Variants in CCR6 observed in about 807,000 individuals in gnomAD.
CCR6 encodes the protein C-C motif chemokine receptor 6.
A neutral mutation model predicts 3.0 loss-of-function variants in CCR6; 2 were observed. That is an observed-to-expected ratio of 0.66 (90% CI 0.27 to 2.07). The LOEUF is 2.07. CCR6 is among the 30% of genes most tolerant of loss of function. The pLI, the probability that CCR6 is intolerant of heterozygous loss-of-function variation, is 0.14. For synonymous variants in CCR6, 193 were observed against 184.3 expected (o/e 1.05, Z -0.38); for missense variants, 322 against 462.8 (o/e 0.70, Z 2.79).
chr6:167,128,817 G>T (rs1196424930), intron 1 of CCR6, among the ~76,000 whole-genome samples: 1 of 152,070 alleles, frequency 6.6e-6, no homozygotes, highest in Non-Finnish European at 1.5e-5. Flanking sequence ...CAAGTGATCC[G>T]CCTGCCTTGG....
intron 1 of CCR6, among the ~76,000 whole-genome samples, chr6:167,113,582 G>T (rs372201389): frequency 1.3e-5 from 2 of 152,206 alleles, no homozygotes; most frequent in Non-Finnish European, 2.9e-5. Context: ...GCGGCTCCAC[G>T]AATGGGGCCC....
At chr6:167,127,453 C>T (rs1180732580) in intron 1 of CCR6, among the ~76,000 whole-genome samples, 3 of 152,202 alleles carry the variant, frequency 2.0e-5, no homozygotes, top group Non-Finnish European at 4.4e-5. Context: ...TTTCCCACCC[C>T]TGTCTGTCTC....
At chr6:167,135,916 G>C in intron 1 of CCR6, 122 bp from the exon 2 acceptor site, 1 of 530,724 alleles carries the variant, frequency 1.9e-6, no homozygotes, top group East Asian at 3.1e-5. Flanking sequence ...ATGAATATTT[G>C]TATGTAAAAT....
In CCR6 at chr6:167,136,230, T is replaced by A; in HGVS notation, c.10-10T>A. The A allele has an allele frequency of 6.2e-7, 1 of 1,606,948 alleles. No individual in the cohort carries two copies. Among genetic ancestry groups the A allele is most frequent in the South Asian group, 1.1e-5 (1 of 90,054 alleles). ...CACTGCAGCTAACTCTATCTTTGTT[T>A]CCTTTCCAGGAATCAATGAATTTCA... On this transcript the variant is annotated splice_polypyrimidine_tract_variant and intron_variant, in intron 2 of 2. Transcript: ENST00000341935. The surrounding 1 kb of genome is among the most constrained non-coding windows in gnomAD (Gnocchi z 4.6).
At chr6:167,111,994 C>G (rs1781422175) in exon 1 of CCR6, 2 of 152,236 alleles carry the variant, frequency 1.3e-5, no homozygotes, top group Non-Finnish European at 2.9e-5. Context: ...GTTTGTGGAA[C>G]AGACAGCTCC....
chr6:167,130,990 C>A (rs5014887), intron 1 of CCR6, among the ~76,000 whole-genome samples: 44,768 of 107,136 alleles, frequency 0.42, 9,325 homozygotes, highest in Admixed American at 0.47. Flanking sequence ...TCCCTCTGGA[C>A]CCCCTCCCTT....
rs551258713 is a variant in CCR6 at position 167,137,410 on chromosome 6, A to G, written c.*55A>G. 9 of 1,488,160 alleles carry G rather than the reference A, an allele frequency of 6.0e-6. No individual in the cohort carries two copies. The South Asian group carries it at 1.2e-4, about 20-fold the overall frequency. 92.2% of individuals were successfully genotyped at this position (1,488,160 alleles called of 1,614,324 possible). On this transcript the variant is annotated 3_prime_UTR_variant, in exon 3 of 3. Coordinates refer to ENST00000341935, the MANE Select transcript of CCR6 (RefSeq NM_031409.4). The surrounding 1 kb of genome is among the most constrained non-coding windows in gnomAD (Gnocchi z 4.6). ...TGAAACATACTCATAGATGTTATGC[A>G]AAAAAAAGTCTATGGCCAGGTATGC...
In CCR6 at chr6:167,124,959, CACAT is replaced by C. The variant is rs532881777; in HGVS notation, c.-98+1740_-98+1743del. Among the ~76,000 whole-genome samples, 339 of 152,226 alleles carry C rather than the reference CACAT, an allele frequency of 2.2e-3. 1 individual carries two copies. Among genetic ancestry groups the C allele is most frequent in the African/African-American group, 7.9e-3 (329 of 41,518 alleles). On this transcript the variant is annotated intron_variant, in intron 1 of 2. Transcript: ENST00000341935. ...ACCCATGCACACACATGCAAATACA[CACAT>C]ACACATGTATACACACATGTGCACA...
chr6:167,112,978 G>A lies in CCR6; in HGVS notation c.-98+964G>A, dbSNP rs112853039. On this transcript the variant is annotated intron_variant, in intron 1 of 2. Coordinates refer to the CCR6 transcript ENST00000400926. ...CAGTTTCACTGTGTTGTGGGTGAAT[G>A]CATTTATGTCATTTAACAATACTGC... 1.8e-3 allele frequency among the ~76,000 whole-genome samples: 275 copies of A among 151,924 alleles called. 1 individual carries two copies. The highest frequency in any genetic ancestry group is 4.8e-3 in the Admixed American group (73 of 15,240).
chr6:167,122,976 A>G (rs41404849), upstream of CCR6: 23 of 152,578 alleles, frequency 1.5e-4, no homozygotes, highest in African/African-American at 5.5e-4. This position sits in a 1 kb window ranked among gnomAD's most constrained non-coding sequence, Gnocchi z 4.2. Context: ...GGATCCTACG[A>G]TTACTCAATA....
chr6:167,132,248 C>G (rs565828024), intron 1 of CCR6, among the ~76,000 whole-genome samples: 6 of 152,246 alleles, frequency 3.9e-5, no homozygotes, highest in Admixed American at 3.9e-4. Flanking sequence ...ACATTTGGGT[C>G]TTTTTCAGTT....
intron 1 of CCR6, among the ~76,000 whole-genome samples, chr6:167,117,407 TTTTTTTTC>T (rs1781511980): frequency 3.8e-5 from 5 of 132,040 alleles, no homozygotes; most frequent in Non-Finnish European, 7.8e-5. Context: ...TATTTTCTTT[TTTTTTTTC>T]TTTTTTTTTT....
intron 1 of CCR6, among the ~76,000 whole-genome samples, chr6:167,117,606 G>A (rs566372290): frequency 2.3e-4 from 35 of 151,302 alleles, no homozygotes; most frequent in Middle Eastern, 3.4e-3. Flanking sequence ...TAGTAGAGAT[G>A]GGGTTTCACC....
intron 1 of CCR6, 49 bp from the exon 2 acceptor site, chr6:167,135,989 A>G (rs3093009): frequency 0.23 from 185,071 of 814,212 alleles, 24,590 homozygotes; most frequent in African/African-American, 0.53. Flanking sequence ...CTGGCTCTCC[A>G]GGAATACCTG....
At chr6:167,131,730 C>G (rs1222583853) in intron 1 of CCR6, among the ~76,000 whole-genome samples, 1 of 152,212 alleles carries the variant, frequency 6.6e-6, no homozygotes, top group Non-Finnish European at 1.5e-5. Flanking sequence ...CTCCCATTAC[C>G]CCTCAGTGCT....
rs576253580 is a variant in CCR6, at chr6:167,113,607, G to A, written c.-98+1593G>A. On this transcript the variant is annotated intron_variant, in intron 1 of 2. Coordinates refer to the CCR6 transcript ENST00000400926. ...GAATGGGGCCCAGGCAGGGTTGGAC[G>A]ACGCCCAGCTCCCCTGGAGACAGCC... 5.3e-5 allele frequency among the ~76,000 whole-genome samples: 8 copies of A among 152,334 alleles called. No individual in the cohort carries two copies. In the East Asian group the frequency reaches 5.8e-4, roughly 11 times the overall value.
upstream of CCR6, chr6:167,122,676 TTC>T (rs1382640902): frequency 6.6e-6 from 1 of 152,482 alleles, no homozygotes; most frequent in African/African-American, 2.4e-5. This position sits in a 1 kb window ranked among gnomAD's most constrained non-coding sequence, Gnocchi z 4.2. Context: ...TCAGTGGCCC[TTC>T]TGTGGCTGCA....
chr6:167,124,892 A>G (rs1343993531), intron 1 of CCR6, among the ~76,000 whole-genome samples: 1 of 151,936 alleles, frequency 6.6e-6, no homozygotes, highest in African/African-American at 2.4e-5. Context: ...ACACACATGC[A>G]TGCATACACA....
Position 167,131,015 on chromosome 6 carries a change from C to T in CCR6, c.-97-5023C>T, listed in dbSNP as rs1167210557. 5.7e-5 allele frequency among the ~76,000 whole-genome samples: 8 copies of T among 140,478 alleles called. No individual in the cohort carries two copies. In the East Asian group the frequency reaches 6.7e-4, roughly 12 times the overall value. 92.2% of individuals were successfully genotyped at this position (140,478 alleles called of 152,430 possible). A position where few individuals can be genotyped will look rare whatever the true frequency, so the allele number is the denominator to read the frequency against. The stretch of plus-strand genomic sequence containing the variant: ...CCCCCTCCCTTTGGGACCCCTCCTT[C>T]TGGGACCCCCATCCCTCTGGACCCC... On this transcript the variant is annotated intron_variant, in intron 1 of 2. Transcript: ENST00000341935.
Sources: allele counts gnomAD v4.1 joint callset (sites outside exome capture counted in the v4.1 genomes callset), GRCh38; gene constraint gnomAD v4.1.1; non-coding constraint Gnocchi (gnomAD v3.1); transcripts MANE v1.5; gene names NCBI Gene and HGNC (gene_info 2026-07-23, HGNC 2026-07-21).